Variants in DLC1 observed in about 807,000 individuals in gnomAD.
The protein encoded by DLC1 is DLC1 Rho GTPase activating protein, also known as rho GTPase-activating protein 7.
In DLC1, 54 loss-of-function variants were observed where a neutral mutation model predicts 140.3. That is an observed-to-expected ratio of 0.38 (90% confidence interval 0.31 to 0.48). The LOEUF is 0.48. Ranked by LOEUF, DLC1 falls within the 20% of genes least tolerant of loss-of-function variation. The pLI is 0.96. For synonymous variants in DLC1, 986 were observed against 728.1 expected, an observed-to-expected ratio of 1.35 and a Z score of -5.70; for missense variants, 2,536 against 1,907.0, an observed-to-expected ratio of 1.33 and a Z score of -6.14.
intron 5 of DLC1, among the ~76,000 whole-genome samples, chr8:13,124,039 A>G (rs1453140271): frequency 1.3e-5 from 2 of 152,144 alleles, no homozygotes; most frequent in Non-Finnish European, 2.9e-5. Flanking sequence ...TTTCAAATAA[A>G]ACCTACAATA....
intron 5 of DLC1, among the ~76,000 whole-genome samples, chr8:13,287,264 A>T (rs1413746824): frequency 6.6e-6 from 1 of 152,200 alleles, no homozygotes; most frequent in East Asian, 1.9e-4. Context: ...GGGTCTAGAC[A>T]GATGGTCAGA....
chr8:13,208,471 C>G (rs1827777499), intron 5 of DLC1, among the ~76,000 whole-genome samples: 1 of 152,096 alleles, frequency 6.6e-6, no homozygotes, highest in South Asian at 2.1e-4. Context: ...AGAAACTATT[C>G]TATTTTACAA....
At chr8:13,460,421 A>T (rs1276755680) in intron 2 of DLC1, among the ~76,000 whole-genome samples, 4 of 152,214 alleles carry the variant, frequency 2.6e-5, no homozygotes, top group South Asian at 4.1e-4. Context: ...GCGTTCATTC[A>T]TTCAGTCATC....
intron 5 of DLC1, among the ~76,000 whole-genome samples, chr8:13,170,596 G>A (rs1328967189): frequency 2.0e-5 from 3 of 152,062 alleles, no homozygotes; most frequent in African/African-American, 7.2e-5. Flanking sequence ...TGGGCATGGT[G>A]GCGGGCACCT....
chr8:13,380,756 A>T (rs1836213865), intron 4 of DLC1, among the ~76,000 whole-genome samples: 1 of 152,176 alleles, frequency 6.6e-6, no homozygotes, highest in South Asian at 2.1e-4. Flanking sequence ...TAAGGGGACA[A>T]ATTCGATATC....
chr8:13,114,328 C>T (rs1820364138), intron 6 of DLC1, among the ~76,000 whole-genome samples: 1 of 152,214 alleles, frequency 6.6e-6, no homozygotes, highest in Admixed American at 6.5e-5. Flanking sequence ...CACCACTGAA[C>T]TCCAGCCAGG....
intron 2 of DLC1, among the ~76,000 whole-genome samples, chr8:13,462,143 A>G (rs189464812): frequency 5.2e-4 from 79 of 152,320 alleles, no homozygotes; most frequent in African/African-American, 1.8e-3. Flanking sequence ...TTACCACTGC[A>G]AGGCCAGACG....
intron 1 of DLC1, among the ~76,000 whole-genome samples, chr8:13,534,759 A>G (rs1803214919): frequency 6.6e-6 from 1 of 152,176 alleles, no homozygotes; most frequent in Non-Finnish European, 1.5e-5. Flanking sequence ...CACAGGACTG[A>G]CACCAGCAAT....
In DLC1 at chr8:13,188,836, T is replaced by C. The variant is rs1563149799; in HGVS notation, c.1349-73179A>G. The stretch of plus-strand genomic sequence containing the variant: ...ATATATATATATATATGTATATATA[T>C]ATATATATTTTTTTTTTTTTTTTTT... On this transcript the variant is annotated intron_variant, in intron 5 of 17. Transcript: ENST00000276297. Among the ~76,000 whole-genome samples the C allele has an allele frequency of 1.9e-3, 58 of 29,846 alleles. 1 individual carries two copies. The highest frequency in any genetic ancestry group is 5.5e-3 in the African/African-American group (54 of 9,882). The allele number at this position is 29,846 out of a possible 152,430, so 19.6% of individuals were successfully genotyped here.
chr8:13,514,487 T>C (rs1802516193), intron 1 of DLC1, 115 bp downstream of exon 1: 1 of 397,792 alleles, frequency 2.5e-6, no homozygotes, highest in East Asian at 3.6e-5. Flanking sequence ...ATTTTATGGC[T>C]TTGCTCTAAA....
At chr8:13,602,805 T>G (rs1246839080) in intron 1 of DLC1, among the ~76,000 whole-genome samples, 3 of 151,942 alleles carry the variant, frequency 2.0e-5, no homozygotes, top group Non-Finnish European at 4.4e-5. Flanking sequence ...TTTCCAATAC[T>G]GTGAAGATTT....
intron 5 of DLC1, among the ~76,000 whole-genome samples, chr8:13,161,381 A>G (rs1256377798): frequency 6.6e-6 from 1 of 152,102 alleles, no homozygotes; most frequent in Admixed American, 6.5e-5. Flanking sequence ...TCTGTTGCTC[A>G]GGCTGAGTGT....
intron 5 of DLC1, chr8:13,132,948 T>A (rs1822245985): frequency 6.2e-7 from 1 of 1,609,482 alleles, no homozygotes; most frequent in African/African-American, 1.3e-5. Context: ...GCTTACGTGT[T>A]AGGATCATGG....
At chr8:13,142,371 A>T (rs535229037) in intron 5 of DLC1, among the ~76,000 whole-genome samples, 1 of 152,338 alleles carries the variant, frequency 6.6e-6, no homozygotes, top group African/African-American at 2.4e-5. Context: ...TCCTGAACAA[A>T]CAGCTATTTC....
intron 1 of DLC1, among the ~76,000 whole-genome samples, chr8:13,604,168 C>T (rs1433565292): frequency 6.6e-6 from 1 of 152,098 alleles, no homozygotes; most frequent in African/African-American, 2.4e-5. Context: ...ACATTATCAT[C>T]TCCTTTAAAT....
At chr8:13,140,933 A>C (rs772533257) in intron 5 of DLC1, among the ~76,000 whole-genome samples, 14 of 152,146 alleles carry the variant, frequency 9.2e-5, no homozygotes, top group Non-Finnish European at 1.6e-4. Flanking sequence ...TCACATATAG[A>C]TGCCTTGCTT....
rs1206923657 is a variant in DLC1, at chr8:13,085,750, A to G, written c.*61T>C. On this transcript the variant is annotated 3_prime_UTR_variant, in exon 18 of 18. Coordinates refer to ENST00000276297, the MANE Select transcript of DLC1 (RefSeq NM_182643.3). The stretch of plus-strand genomic sequence containing the variant: ...TAGACACAGAACCCATTCTTCAAGG[A>G]CTGGCAAAAGTTCTAGAAACAAACA... The G allele has an allele frequency of 6.2e-7, 1 of 1,607,826 alleles. No homozygotes were observed. The highest frequency in any genetic ancestry group is 1.3e-5 in the African/African-American group (1 of 74,680).
At chr8:13,454,240 A>T (rs1799288123) in intron 2 of DLC1, among the ~76,000 whole-genome samples, 1 of 151,944 alleles carries the variant, frequency 6.6e-6, no homozygotes, top group Admixed American at 6.6e-5. Flanking sequence ...ATGAGCATTA[A>T]AAAAAAATCT....
chr8:13,145,681 A>T (rs1823380538), intron 5 of DLC1, among the ~76,000 whole-genome samples: 1 of 152,286 alleles, frequency 6.6e-6, no homozygotes, highest in Admixed American at 6.5e-5. Context: ...GGAATATTAC[A>T]CAGCAGTGAA....
Sources: allele counts gnomAD v4.1 joint callset (sites outside exome capture counted in the v4.1 genomes callset), GRCh38; gene constraint gnomAD v4.1.1; transcripts MANE v1.5; gene names NCBI Gene and HGNC (gene_info 2026-07-23, HGNC 2026-07-21).